NALF1: variants seen among roughly 807,000 people sequenced by gnomAD.
NALF1 encodes NALCN channel auxiliary factor 1.
Under a neutral mutation model 48.4 loss-of-function variants are expected in NALF1, and 3 were observed. That is an observed-to-expected ratio of 0.06 (90% CI 0.03 to 0.16). NALF1 has a LOEUF of 0.16. NALF1 is among the 10% of genes least tolerant of loss of function. The pLI is 1.00. For missense variants in NALF1, 526 were observed against 571.5 expected, an observed-to-expected ratio of 0.92 and a Z score of 0.81; for synonymous variants, 262 against 245.7, an observed-to-expected ratio of 1.07 and a Z score of -0.62.
chr13:107,329,235 A>T (rs9587359), intron 1 of NALF1, among the ~76,000 whole-genome samples: 44,516 of 152,112 alleles, frequency 0.29, 6,826 homozygotes, highest in African/African-American at 0.32. Context: ...TTAGAAGAGC[A>T]CAAAGAATGA....
At chr13:107,304,852 T>G (rs930942728) in intron 1 of NALF1, among the ~76,000 whole-genome samples, 5 of 152,214 alleles carry the variant, frequency 3.3e-5, no homozygotes, top group Admixed American at 3.3e-4. Flanking sequence ...TTGTTATTAT[T>G]CTGTGAACAC....
intron 1 of NALF1, among the ~76,000 whole-genome samples, chr13:107,764,635 T>A (rs1195367166): frequency 6.6e-6 from 1 of 152,148 alleles, no homozygotes; most frequent in Non-Finnish European, 1.5e-5. Context: ...TGGGACTACA[T>A]CAAGATGACC....
At chr13:107,268,911 C>T (rs368965216) in intron 1 of NALF1, among the ~76,000 whole-genome samples, 8 of 152,206 alleles carry the variant, frequency 5.3e-5, no homozygotes, top group African/African-American at 1.9e-4. Context: ...GTTTGCTTTT[C>T]TCTGAGGGTA....
intron 2 of NALF1, among the ~76,000 whole-genome samples, chr13:107,200,169 A>C (rs1411559495): frequency 1.3e-5 from 2 of 152,342 alleles, no homozygotes; most frequent in East Asian, 3.9e-4. Context: ...CAGCAGCAGA[A>C]GCACAGGGTG....
intron 1 of NALF1, among the ~76,000 whole-genome samples, chr13:107,568,441 G>A (rs75140516): frequency 0.033 from 5,048 of 152,284 alleles, 116 homozygotes; most frequent in African/African-American, 0.076. Flanking sequence ...ATAAAAATCA[G>A]TCTTTATTAT....
At chr13:107,735,532 T>A (rs1876443717) in intron 1 of NALF1, among the ~76,000 whole-genome samples, 1 of 152,180 alleles carries the variant, frequency 6.6e-6, no homozygotes, top group South Asian at 2.1e-4. Flanking sequence ...ACACATATGT[T>A]TAATTTCTCT....
chr13:107,557,401 T>C lies in NALF1; in HGVS notation c.915+308281A>G, dbSNP rs78573631. ...AAAGATGGAAACTTTGGAAAGGGGATGGGGTGACGGTTTGCATACCGTGGG... is the reference window on the plus strand; with the variant it reads ...AAAGATGGAAACTTTGGAAAGGGGACGGGGTGACGGTTTGCATACCGTGGG... On this transcript the variant is annotated intron_variant, in intron 1 of 2. Transcript: ENST00000375915. 6.4e-3 allele frequency among the ~76,000 whole-genome samples: 976 copies of C among 152,110 alleles called. 5 individuals carry two copies. Among genetic ancestry groups the C allele is most frequent in the South Asian group, 0.029 (141 of 4,792 alleles).
intron 1 of NALF1, among the ~76,000 whole-genome samples, chr13:107,452,012 T>C (rs939114765): frequency 6.6e-6 from 1 of 152,174 alleles, no homozygotes; most frequent in African/African-American, 2.4e-5. Flanking sequence ...CTCTTATCCA[T>C]CTATCCATAT....
intron 1 of NALF1, among the ~76,000 whole-genome samples, chr13:107,667,151 C>T (rs1237625945): frequency 6.6e-6 from 1 of 151,956 alleles, no homozygotes; most frequent in African/African-American, 2.4e-5. Context: ...AATAAATGCA[C>T]CCTCAATTAA....
At chr13:107,636,552 A>G (rs1270905976) in intron 1 of NALF1, among the ~76,000 whole-genome samples, 3 of 152,192 alleles carry the variant, frequency 2.0e-5, no homozygotes, top group African/African-American at 7.2e-5. Flanking sequence ...CTTCTTCTAT[A>G]TCATAGTCCA....
intron 1 of NALF1, among the ~76,000 whole-genome samples, chr13:107,674,316 C>G (rs1340956505): frequency 6.6e-6 from 1 of 152,204 alleles, no homozygotes; most frequent in Non-Finnish European, 1.5e-5. Context: ...AAAACACAAG[C>G]ATGCTATCAA....
intron 1 of NALF1, among the ~76,000 whole-genome samples, chr13:107,810,895 C>T (rs376086372): frequency 1.3e-5 from 2 of 152,156 alleles, no homozygotes; most frequent in African/African-American, 4.8e-5. Context: ...CCTCTCTATT[C>T]TGTCCTCTTC....
At chr13:107,254,062 A>AAAAAAAAAAAAAATATATAT in intron 1 of NALF1, among the ~76,000 whole-genome samples, 2 of 138,582 alleles carry the variant, frequency 1.4e-5, no homozygotes, top group African/African-American at 2.7e-5. Flanking sequence ...CAAGTACTAA[A>AAAAAAAAAAAAAATATATAT]ATATATATAT....
chr13:107,243,727 T>C (rs1880523107), intron 1 of NALF1, among the ~76,000 whole-genome samples: 1 of 152,224 alleles, frequency 6.6e-6, no homozygotes, highest in Non-Finnish European at 1.5e-5. Flanking sequence ...ATTTCTTTTA[T>C]CTATCGTGTT....
At chr13:107,713,683 T>C (rs148398620) in intron 1 of NALF1, among the ~76,000 whole-genome samples, 1 of 152,330 alleles carries the variant, frequency 6.6e-6, no homozygotes, top group Non-Finnish European at 1.5e-5. Flanking sequence ...GTAAACCATG[T>C]AGTATGAAGG....
At chr13:107,469,733 CTTT>C (rs61241553) in intron 1 of NALF1, among the ~76,000 whole-genome samples, 22 of 79,968 alleles carry the variant, frequency 2.8e-4, no homozygotes, top group South Asian at 1.5e-3. Flanking sequence ...AACTGTGTAT[CTTT>C]TTTTTTTTTT....
intron 1 of NALF1, among the ~76,000 whole-genome samples, chr13:107,418,142 T>C (rs1035152926): frequency 1.1e-4 from 17 of 152,336 alleles, no homozygotes; most frequent in Non-Finnish European, 2.2e-4. Flanking sequence ...ATTTGTTCTC[T>C]ACGAGTTTGG....
chr13:107,615,533 G>A (rs1259896836), intron 1 of NALF1, among the ~76,000 whole-genome samples: 1 of 152,160 alleles, frequency 6.6e-6, no homozygotes, highest in East Asian at 1.9e-4. Flanking sequence ...ATGATGGTGT[G>A]CCAAAATATT....
chr13:107,829,599 TTAA>T (rs1335272136), intron 1 of NALF1, among the ~76,000 whole-genome samples: 1 of 151,890 alleles, frequency 6.6e-6, no homozygotes, highest in Non-Finnish European at 1.5e-5. Context: ...ATTATTATAA[TTAA>T]TAATAATTAA....
Sources: gnomAD v4.1 joint callset for allele counts (sites outside exome capture counted in the v4.1 genomes callset) on GRCh38, gnomAD v4.1.1 for gene constraint, MANE v1.5 for transcripts, NCBI Gene and HGNC (gene_info 2026-07-23, HGNC 2026-07-21) for gene names.